Variants in HS6ST3 observed in about 807,000 individuals in gnomAD.
The protein encoded by HS6ST3 is heparan sulfate 6-O-sulfotransferase 3.
Under a neutral mutation model 36.7 loss-of-function variants are expected in HS6ST3, and 12 were observed. The observed-to-expected ratio is 0.33, with a 90% CI of 0.21 to 0.53. The LOEUF is 0.53. Among genes scored for constraint, HS6ST3 ranks in the 20% least tolerant of loss-of-function variants. The pLI is 0.95. For synonymous variants in HS6ST3, 240 were observed against 257.5 expected, an observed-to-expected ratio of 0.93 and a Z score of 0.65; for missense variants, 584 against 640.9, an observed-to-expected ratio of 0.91 and a Z score of 0.96.
intron 1 of HS6ST3, among the ~76,000 whole-genome samples, chr13:96,635,807 C>T (rs2056547375): frequency 6.6e-6 from 1 of 152,088 alleles, no homozygotes; most frequent in Non-Finnish European, 1.5e-5. Context: ...ATTGGCCCTG[C>T]CTCTGGGAGC....
At chr13:96,324,801 A>G in intron 1 of HS6ST3, among the ~76,000 whole-genome samples, 1 of 152,244 alleles carries the variant, frequency 6.6e-6, no homozygotes, top group East Asian at 1.9e-4. Flanking sequence ...GGAGAGGCCT[A>G]GAATAGATTG....
intron 1 of HS6ST3, among the ~76,000 whole-genome samples, chr13:96,821,943 T>G (rs2138542629): frequency 6.6e-6 from 1 of 152,368 alleles, no homozygotes; most frequent in South Asian, 2.1e-4. Flanking sequence ...CACACATGCC[T>G]TGCTCTTAAA....
chr13:96,601,305 A>G (rs188659016), intron 1 of HS6ST3, among the ~76,000 whole-genome samples: 4 of 152,156 alleles, frequency 2.6e-5, no homozygotes, highest in East Asian at 3.9e-4. Context: ...ATATATCCCT[A>G]TAGCTACTGG....
At chr13:96,790,241 T>C (rs1877751243) in intron 1 of HS6ST3, among the ~76,000 whole-genome samples, 1 of 149,936 alleles carries the variant, frequency 6.7e-6, no homozygotes, top group Non-Finnish European at 1.5e-5. Context: ...TCAAACTTTT[T>C]CTCCCAATCT....
chr13:96,201,202 T>C (rs1044524464), intron 1 of HS6ST3, among the ~76,000 whole-genome samples: 2 of 152,072 alleles, frequency 1.3e-5, no homozygotes, highest in Non-Finnish European at 2.9e-5. Context: ...TGGGGCCTGA[T>C]TTAAGTGGTG....
chr13:96,197,998 T>G (rs2139349732), intron 1 of HS6ST3, among the ~76,000 whole-genome samples: 1 of 152,330 alleles, frequency 6.6e-6, no homozygotes, highest in African/African-American at 2.4e-5. Flanking sequence ...TGGAGCAGAC[T>G]TTTGCCTGGG....
intron 1 of HS6ST3, among the ~76,000 whole-genome samples, chr13:96,627,196 T>G (rs1594821656): frequency 6.6e-6 from 1 of 152,254 alleles, no homozygotes; most frequent in East Asian, 1.9e-4. Context: ...TGTTTCTTGC[T>G]ATTAACTTTG....
intron 1 of HS6ST3, among the ~76,000 whole-genome samples, chr13:96,826,265 A>G (rs1049952228): frequency 2.0e-5 from 3 of 152,136 alleles, no homozygotes; most frequent in African/African-American, 7.2e-5. Context: ...AAGATTATAT[A>G]TTTTTTACTC....
Position 96,799,994 on chromosome 13 carries a change from A to ATGTG in HS6ST3, c.708-32495_708-32494insGTGT, listed in dbSNP as rs1306410156. Among the ~76,000 whole-genome samples the ATGTG allele has an allele frequency of 2.0e-4, 23 of 114,474 alleles. 4 individuals carry two copies. The highest frequency in any genetic ancestry group is 9.9e-4 in the African/African-American group (22 of 22,128). The allele number at this position is 114,474 out of a possible 152,430, so 75.1% of individuals were successfully genotyped here. ...TATATATATATATGTATATATATAT[A>ATGTG]TATGTATATATATATATATGTATAT... On this transcript the variant is annotated intron_variant, in intron 1 of 1. Coordinates refer to ENST00000376705, the MANE Select transcript of HS6ST3 (RefSeq NM_153456.4).
At chr13:96,347,698 C>G (rs1480442655) in intron 1 of HS6ST3, among the ~76,000 whole-genome samples, 1 of 152,188 alleles carries the variant, frequency 6.6e-6, no homozygotes, top group African/African-American at 2.4e-5. Flanking sequence ...AATACATGGT[C>G]TGTGCTTGGG....
At chr13:96,760,056 G>A (rs1226167589) in intron 1 of HS6ST3, among the ~76,000 whole-genome samples, 1 of 151,880 alleles carries the variant, frequency 6.6e-6, no homozygotes, top group Admixed American at 6.6e-5. Context: ...ATTCAACAAT[G>A]GTTGTATGAC....
intron 1 of HS6ST3, among the ~76,000 whole-genome samples, chr13:96,143,928 TGTTA>T (rs2054043920): frequency 6.6e-6 from 1 of 152,192 alleles, no homozygotes. Context: ...GCCCAAAAGC[TGTTA>T]GTTAAAATCA....
At chr13:96,129,504 C>T (rs1244413113) in intron 1 of HS6ST3, among the ~76,000 whole-genome samples, 1 of 152,178 alleles carries the variant, frequency 6.6e-6, no homozygotes, top group Non-Finnish European at 1.5e-5. Flanking sequence ...TTTCATGTCC[C>T]TGGGATCTCT....
chr13:96,635,158 G>A (rs571104410), intron 1 of HS6ST3, among the ~76,000 whole-genome samples: 4 of 152,096 alleles, frequency 2.6e-5, no homozygotes, highest in African/African-American at 7.2e-5. Context: ...ACAAATAAAT[G>A]TTACTCCCTT....
intron 1 of HS6ST3, among the ~76,000 whole-genome samples, chr13:96,502,343 T>G (rs745503129): frequency 1.4e-5 from 2 of 146,300 alleles, no homozygotes; most frequent in Non-Finnish European, 3.0e-5. Flanking sequence ...CCTGTGTCTA[T>G]AAGTCTCTTC....
chr13:96,559,408 C>T (rs1376177466), intron 1 of HS6ST3, among the ~76,000 whole-genome samples: 2 of 152,168 alleles, frequency 1.3e-5, no homozygotes, highest in African/African-American at 2.4e-5. Context: ...TGTGATCCAC[C>T]ATGCCCGGCC....
intron 1 of HS6ST3, among the ~76,000 whole-genome samples, chr13:96,694,816 T>G (rs550745866): frequency 1.3e-5 from 2 of 152,286 alleles, no homozygotes; most frequent in South Asian, 4.1e-4. Context: ...TTCATATGCT[T>G]TTTGGCCGTG....
At chr13:96,746,959 TTG>T (rs1660067300) in intron 1 of HS6ST3, among the ~76,000 whole-genome samples, 1 of 152,084 alleles carries the variant, frequency 6.6e-6, no homozygotes, top group Non-Finnish European at 1.5e-5. Flanking sequence ...TGTCAGTTGT[TTG>T]TCAGGGAATT....
At chr13:96,724,199 ATGTAT>A (rs887610717) in intron 1 of HS6ST3, among the ~76,000 whole-genome samples, 4 of 152,214 alleles carry the variant, frequency 2.6e-5, no homozygotes, top group African/African-American at 9.6e-5. Flanking sequence ...AAACAGTAGT[ATGTAT>A]TGTATGGGTA....
Sources: allele counts gnomAD v4.1 joint callset (sites outside exome capture counted in the v4.1 genomes callset), GRCh38; gene constraint gnomAD v4.1.1; transcripts MANE v1.5; gene names NCBI Gene and HGNC (gene_info 2026-07-23, HGNC 2026-07-21).